Variants in HYDIN observed in about 807,000 individuals in gnomAD.
HYDIN encodes the protein HYDIN axonemal central pair apparatus protein, also known as axonemal central pair apparatus protein HYDIN.
In HYDIN, 132 loss-of-function variants were observed where a neutral mutation model predicts 403.9. That is an observed-to-expected ratio of 0.33 (90% CI 0.28 to 0.38). The LOEUF is 0.38. Ranked by LOEUF, HYDIN falls within the 10% of genes least tolerant of loss-of-function variation. HYDIN has a pLI of 1.00. For missense variants in HYDIN, 2,827 were observed against 5,009.5 expected (o/e 0.56, Z 13.15); for synonymous variants, 1,202 against 1,891.7 (o/e 0.64, Z 9.46).
intron 9 of HYDIN, among the ~76,000 whole-genome samples, chr16:71,124,515 T>C (rs1043156912): frequency 1.5e-4 from 22 of 151,138 alleles, no homozygotes; most frequent in Non-Finnish European, 8.8e-5. Flanking sequence ...AAATACTTGA[T>C]ATGCAGGGAA....
Position 70,862,074 on chromosome 16 carries a change from T to G in HYDIN, c.11751A>C (p.Gly3917=). The change falls in exon 69 of 86, where the codon GGA becomes GGC. Residue 3917 remains glycine (G), a synonymous_variant. Transcript: ENST00000393567. ...FKVKFSPLDI[G]DFESNLFCQI... is the part of the protein sequence containing the mutation. ...GGCAGAAAAGGTTGCTCTCGAAGTC[T>G]CCAATGTCCAACGGGGAGAATTTTA... The G allele has an allele frequency of 6.2e-7, 1 of 1,601,216 alleles. No homozygotes were observed. Among genetic ancestry groups the G allele is most frequent in the Non-Finnish European group, 8.5e-7 (1 of 1,173,828 alleles).
rs2037533901 is a variant in HYDIN, at chr16:70,837,751, A to G, written c.13181T>C (p.Phe4394Ser). 6.2e-7 allele frequency: 1 copy of G among 1,613,830 alleles called. No individual in the cohort carries two copies. Among genetic ancestry groups the G allele is most frequent in the African/African-American group, 1.3e-5 (1 of 74,906 alleles). ...ESINYQELIP[F>S]EINGLSQQTV... is the part of the protein sequence containing the mutation. The stretch of plus-strand genomic sequence containing the variant: ...TTGTTGTGAGAGCCCATTGATTTCA[A>G]AGGGAATGAGTTCTTGATAGTTGAT... The change falls in exon 77 of 86, where the codon TTT becomes TCT. Residue 4394 changes from phenylalanine (F) to serine (S), a missense_variant. By Grantham distance (155) the Phe-to-Ser change is radical. Coordinates refer to ENST00000393567, the MANE Select transcript of HYDIN (RefSeq NM_001270974.2).
At chr16:71,210,764 A>C (rs1466166661) in intron 1 of HYDIN, among the ~76,000 whole-genome samples, 2 of 152,228 alleles carry the variant, frequency 1.3e-5, no homozygotes, top group African/African-American at 4.8e-5. Flanking sequence ...TTTAGATGAA[A>C]TGAAAAATCT....
At chr16:70,911,320 T>C (rs2076688909) in intron 47 of HYDIN, among the ~76,000 whole-genome samples, 1 of 150,946 alleles carries the variant, frequency 6.6e-6, no homozygotes, top group Admixed American at 6.6e-5. Context: ...AGTTTCATTC[T>C]CCTACATGTG....
At chr16:71,229,220 G>A (rs894706613) in intron 1 of HYDIN, among the ~76,000 whole-genome samples, 4 of 151,926 alleles carry the variant, frequency 2.6e-5, no homozygotes, top group Non-Finnish European at 5.9e-5. Context: ...ACTAGTTAAT[G>A]GGTGCAGCAC....
chr16:71,055,876 T>C (rs377261738), intron 18 of HYDIN, among the ~76,000 whole-genome samples: 2 of 152,238 alleles, frequency 1.3e-5, no homozygotes, highest in African/African-American at 4.8e-5. Flanking sequence ...TTCCAGATGC[T>C]TCCAAACAAG....
chr16:71,092,982 T>C (rs1288690475), intron 11 of HYDIN, among the ~76,000 whole-genome samples: 1 of 146,228 alleles, frequency 6.8e-6, no homozygotes, highest in East Asian at 2.0e-4. Flanking sequence ...ATATGCAAAA[T>C]AGATGTAATA....
At chr16:71,222,254 A>T (rs2040837386) in intron 1 of HYDIN, among the ~76,000 whole-genome samples, 1 of 152,240 alleles carries the variant, frequency 6.6e-6, no homozygotes, top group African/African-American at 2.4e-5. Flanking sequence ...ATCTCAGTAG[A>T]TGAAGAAAAA....
At chr16:71,185,084 A>G in intron 2 of HYDIN, 94 bp from the exon 3 acceptor site, 2 of 796,886 alleles carry the variant, frequency 2.5e-6, no homozygotes, top group Non-Finnish European at 3.6e-6. Flanking sequence ...TTGTGTTTGC[A>G]GCTTTCAGGA....
intron 7 of HYDIN, among the ~76,000 whole-genome samples, chr16:71,139,481 A>G (rs118177302): frequency 0.052 from 7,904 of 152,218 alleles, 270 homozygotes; most frequent in Non-Finnish European, 0.071. Flanking sequence ...TATACATACT[A>G]TGTTTAAAGA....
intron 45 of HYDIN, among the ~76,000 whole-genome samples, chr16:70,921,691 T>G (rs2076999531): frequency 6.6e-6 from 1 of 152,196 alleles, no homozygotes; most frequent in African/African-American, 2.4e-5. Flanking sequence ...CATTAATACC[T>G]ACTCCAGAGG....
intron 5 of HYDIN, among the ~76,000 whole-genome samples, 179 bp from the exon 6 acceptor site, chr16:71,162,909 G>A (rs562881062): frequency 4.2e-3 from 643 of 152,342 alleles, no homozygotes; most frequent in African/African-American, 0.015. Context: ...GAGAGAGAGA[G>A]AGAGAGAGAG....
chr16:71,087,649 A>AT (rs2144362480), intron 12 of HYDIN: 1 of 133,954 alleles, frequency 7.5e-6, no homozygotes, highest in Admixed American at 7.7e-5. Flanking sequence ...AATGTATAGT[A>AT]TATATCATGA....
At chr16:70,819,808 A>G (rs1029316762) in intron 83 of HYDIN, among the ~76,000 whole-genome samples, 3 of 151,618 alleles carry the variant, frequency 2.0e-5, no homozygotes, top group African/African-American at 7.3e-5. Flanking sequence ...AAGAGCTTCT[A>G]ACATTCCCTT....
intron 1 of HYDIN, among the ~76,000 whole-genome samples, chr16:71,215,866 TA>T (rs770785879): frequency 6.7e-6 from 1 of 149,554 alleles, no homozygotes; most frequent in Non-Finnish European, 1.5e-5. Flanking sequence ...GGCTAATAAA[TA>T]TATGAAACAT....
intron 1 of HYDIN, among the ~76,000 whole-genome samples, chr16:71,207,889 T>C (rs916123665): frequency 5.9e-5 from 9 of 152,214 alleles, no homozygotes; most frequent in Admixed American, 5.2e-4. Flanking sequence ...TAAATCTATA[T>C]GCAGCCAAAA....
intron 45 of HYDIN, among the ~76,000 whole-genome samples, chr16:70,923,647 CA>C (rs57860871): frequency 0.41 from 28,647 of 69,558 alleles, 4,472 homozygotes; most frequent in South Asian, 0.53. Flanking sequence ...CTAAAAAATA[CA>C]AAAAAAAAAA....
chr16:71,073,737 G>C (rs950656819), intron 13 of HYDIN, among the ~76,000 whole-genome samples: 26 of 152,184 alleles, frequency 1.7e-4, no homozygotes, highest in African/African-American at 5.8e-4. Flanking sequence ...GTATCAGCTA[G>C]CATGCCAGTT....
intron 13 of HYDIN, among the ~76,000 whole-genome samples, chr16:71,071,243 G>T (rs1351648316): frequency 1.4e-4 from 21 of 146,266 alleles, no homozygotes; most frequent in African/African-American, 5.3e-4. Context: ...ACAGAATAAA[G>T]CCAATTATGA....
Sources: allele counts gnomAD v4.1 joint callset (sites outside exome capture counted in the v4.1 genomes callset), GRCh38; gene constraint gnomAD v4.1.1; transcripts MANE v1.5; gene names NCBI Gene and HGNC (gene_info 2026-07-23, HGNC 2026-07-21).